Variants in NUP93 observed in about 807,000 individuals in gnomAD.
The protein encoded by NUP93 is nuclear pore complex protein Nup93.
In NUP93, 55 loss-of-function variants were observed where a neutral mutation model predicts 107.8. The ratio of observed to expected loss-of-function variants is 0.51; its 90% CI spans 0.41 to 0.64. The LOEUF (loss-of-function observed/expected upper bound fraction) is 0.64, where lower values mean the gene tolerates loss of function less well. Ranked by LOEUF, NUP93 falls within the 30% of genes least tolerant of loss-of-function variation. The pLI, the probability that NUP93 is intolerant of heterozygous loss-of-function variation, is 0.00. For synonymous variants in NUP93, 390 were observed against 397.5 expected, an observed-to-expected ratio of 0.98 and a Z score of 0.22; for missense variants, 937 against 1,044.7, an observed-to-expected ratio of 0.90 and a Z score of 1.42.
In NUP93 at chr16:56,798,615, C is replaced by G. The variant is rs1596812409; in HGVS notation, c.360+77C>G. ...GGGCGTGGTGGCTCACATCTGTAAT[C>G]CTAACACTTTGGGAGGCTGATGCAG... On this transcript the variant is annotated intron_variant, in intron 4 of 21. Transcript: ENST00000308159. 9 of 1,192,220 alleles carry G rather than the reference C, an allele frequency of 7.5e-6. No individual in the cohort carries two copies. The East Asian group carries it at 2.2e-4, about 29-fold the overall frequency. 73.9% of individuals were successfully genotyped at this position (1,192,220 alleles called of 1,614,324 possible). A position where few individuals can be genotyped will look rare whatever the true frequency, so the allele number is the denominator to read the frequency against.
chr16:56,844,641 C>G lies in NUP93; in HGVS notation c.*32C>G. ...TGCTTTGTGGGAGTCTGGGTCGGCA[C>G]ACTGTCAGTACATCAGGCACATGGG... On this transcript the variant is annotated 3_prime_UTR_variant, in exon 22 of 22. Transcript: ENST00000308159. 1 of 1,459,314 alleles carries G rather than the reference C, an allele frequency of 6.9e-7. No homozygotes were observed. The highest frequency in any genetic ancestry group is 9.4e-7 in the Non-Finnish European group (1 of 1,059,172). The allele number at this position is 1,459,314 out of a possible 1,614,324, so 90.4% of individuals were successfully genotyped here.
At chr16:56,742,096 C>A (rs12598151) in intron 1 of NUP93, among the ~76,000 whole-genome samples, 15,238 of 152,234 alleles carry the variant, frequency 0.1, 951 homozygotes, top group Middle Eastern at 0.24. Context: ...ATTATACTTA[C>A]AAAGAGCAGT....
At chr16:56,807,914 C>T (rs1963179060) in intron 5 of NUP93, among the ~76,000 whole-genome samples, 1 of 150,946 alleles carries the variant, frequency 6.6e-6, no homozygotes, top group African/African-American at 2.4e-5. Context: ...CCCAGCTACT[C>T]CAGGGGCTGA....
chr16:56,730,976 G>C (rs1961524892), intron 1 of NUP93, among the ~76,000 whole-genome samples: 1 of 152,094 alleles, frequency 6.6e-6, no homozygotes, highest in African/African-American at 2.4e-5. Flanking sequence ...AAAAGCGAGG[G>C]TCACCTTTTT....
At chr16:56,775,938 T>C (rs575209069) in intron 3 of NUP93, among the ~76,000 whole-genome samples, 1 of 152,310 alleles carries the variant, frequency 6.6e-6, no homozygotes, top group South Asian at 2.1e-4. Flanking sequence ...GTCATCACCA[T>C]AGTTGCTGTT....
intron 1 of NUP93, among the ~76,000 whole-genome samples, chr16:56,735,743 G>T (rs1007221922): frequency 6.6e-6 from 1 of 151,272 alleles, no homozygotes; most frequent in African/African-American, 2.4e-5. Context: ...CAGGAGAATC[G>T]CTTGAACCTG....
At chr16:56,769,448 G>A (rs1962280258) in intron 3 of NUP93, among the ~76,000 whole-genome samples, 1 of 152,116 alleles carries the variant, frequency 6.6e-6, no homozygotes, top group Admixed American at 6.5e-5. Context: ...GGGGCATTCA[G>A]TTTTACAGAA....
intron 4 of NUP93, among the ~76,000 whole-genome samples, chr16:56,803,750 ATAT>A (rs1567395801): frequency 0.22 from 1,135 of 5,106 alleles, 18 homozygotes; most frequent in Middle Eastern, 0.5. Flanking sequence ...AGGGAAAAAT[ATAT>A]ATATATATAT....
At chr16:56,839,994 A>C (rs1286891674) in intron 20 of NUP93, 3 of 184,820 alleles carry the variant, frequency 1.6e-5, no homozygotes, top group African/African-American at 4.8e-5. Context: ...ATTCACTGCC[A>C]CCTTTGCCCT....
At chr16:56,733,960 C>A (rs1434710622) in intron 1 of NUP93, among the ~76,000 whole-genome samples, 6 of 152,200 alleles carry the variant, frequency 3.9e-5, no homozygotes, top group African/African-American at 1.4e-4. Context: ...GTTAGGTACA[C>A]CAAAGTTATA....
chr16:56,827,044 C>CAAAAAAAAAAAAAAAAAAAAAAAAAAAA (rs1188027635), intron 8 of NUP93, among the ~76,000 whole-genome samples: 35 of 53,606 alleles, frequency 6.5e-4, no homozygotes, highest in Non-Finnish European at 1.0e-3. Flanking sequence ...GACTCCGTCT[C>CAAAAAAAAAAAAAAAAAAAAAAAAAAAA]AAAAAAAAAA....
At chr16:56,753,867 A>C (rs1313370808) in intron 2 of NUP93, among the ~76,000 whole-genome samples, 3 of 152,158 alleles carry the variant, frequency 2.0e-5, no homozygotes, top group Non-Finnish European at 4.4e-5. Context: ...TAACAAGCAT[A>C]TTTGTTGATA....
intron 5 of NUP93, among the ~76,000 whole-genome samples, chr16:56,807,044 A>G (rs946917958): frequency 2.0e-5 from 3 of 152,180 alleles, no homozygotes; most frequent in Admixed American, 2.0e-4. Context: ...ATGGAATGAA[A>G]ACCAAAGTCT....
chr16:56,807,166 G>A (rs1351200767), intron 5 of NUP93, among the ~76,000 whole-genome samples: 2 of 152,146 alleles, frequency 1.3e-5, no homozygotes, highest in Admixed American at 1.3e-4. Context: ...CTTCTTACAG[G>A]TTCCTTCAGC....
chr16:56,774,353 C>G (rs774014935), intron 3 of NUP93, among the ~76,000 whole-genome samples: 1 of 152,134 alleles, frequency 6.6e-6, no homozygotes, highest in Non-Finnish European at 1.5e-5. Flanking sequence ...AACCTGATTT[C>G]TCTGCCTTTT....
intron 3 of NUP93, chr16:56,782,141 T>C (rs1436935329): frequency 1.0e-6 from 1 of 985,252 alleles, no homozygotes; most frequent in Non-Finnish European, 1.2e-6. Context: ...TCATCTCATA[T>C]AAGAAGGTTT....
At chr16:56,739,379 G>T in intron 1 of NUP93, among the ~76,000 whole-genome samples, 1 of 16,806 alleles carries the variant, frequency 6.0e-5, no homozygotes, top group African/African-American at 2.7e-4. Context: ...GGACGGGGCG[G>T]CTGGCCGGGC....
At chr16:56,834,686 G>T (rs780254715) in intron 15 of NUP93, 48 bp from the exon 16 acceptor site, 10 of 1,536,140 alleles carry the variant, frequency 6.5e-6, no homozygotes, top group Non-Finnish European at 9.0e-6. Context: ...TATGGAATAT[G>T]TTTATATCTT....
chr16:56,814,851 C>G (rs1229892069), intron 5 of NUP93, among the ~76,000 whole-genome samples: 1 of 152,210 alleles, frequency 6.6e-6, no homozygotes, highest in Non-Finnish European at 1.5e-5. Context: ...CCGCCAAGCC[C>G]CAGTGCAGAG....
Sources: gnomAD v4.1 joint callset for allele counts (sites outside exome capture counted in the v4.1 genomes callset) on GRCh38, gnomAD v4.1.1 for gene constraint, MANE v1.5 for transcripts, NCBI Gene and HGNC (gene_info 2026-07-23, HGNC 2026-07-21) for gene names.